Variants in HSD17B4 observed in about 807,000 individuals in gnomAD.
HSD17B4 encodes hydroxysteroid 17-beta dehydrogenase 4, also known as peroxisomal multifunctional enzyme type 2.
In HSD17B4, 70 loss-of-function variants were observed where a neutral mutation model predicts 101.0. The ratio of observed to expected loss-of-function variants is 0.69; its 90% CI spans 0.57 to 0.85. The LOEUF (loss-of-function observed/expected upper bound fraction) is 0.85. Among genes scored for constraint, HSD17B4 ranks in the 40% least tolerant of loss-of-function variants. HSD17B4 has a pLI of 0.00. For synonymous variants in HSD17B4, 347 were observed against 297.1 expected, an observed-to-expected ratio of 1.17 and a Z score of -1.73; for missense variants, 984 against 892.4, an observed-to-expected ratio of 1.10 and a Z score of -1.31.
At chr5:119,464,973 G>T (rs1255388642) in intron 2 of HSD17B4, among the ~76,000 whole-genome samples, 1 of 151,758 alleles carries the variant, frequency 6.6e-6, no homozygotes, top group Admixed American at 6.6e-5. Context: ...GCTCAGTATT[G>T]CTTTGGTTAT....
intron 22 of HSD17B4, 87 bp from the exon 23 acceptor site, chr5:119,536,336 G>C: frequency 1.7e-6 from 2 of 1,167,906 alleles, no homozygotes; most frequent in Non-Finnish European, 1.3e-6. Context: ...GGAAACTATA[G>C]AAATGTCTGC....
At chr5:119,496,902 A>AC (rs1750699244) in intron 12 of HSD17B4, among the ~76,000 whole-genome samples, 2 of 152,232 alleles carry the variant, frequency 1.3e-5, no homozygotes, top group Non-Finnish European at 2.9e-5. Context: ...GTTGAGCCAC[A>AC]TGAAGAGATG....
chr5:119,483,603 A>G (rs1309789401), intron 8 of HSD17B4, among the ~76,000 whole-genome samples: 1 of 152,130 alleles, frequency 6.6e-6, no homozygotes, highest in Non-Finnish European at 1.5e-5. Context: ...TTTTATGGTC[A>G]TAGTTTCTTT....
chr5:119,468,948 T>C (rs1314722614), intron 2 of HSD17B4, among the ~76,000 whole-genome samples: 1 of 151,968 alleles, frequency 6.6e-6, no homozygotes. Context: ...TGTTTTTTTT[T>C]TTCTTTTTCC....
chr5:119,530,853 A>AC (rs1281904574), intron 21 of HSD17B4, among the ~76,000 whole-genome samples: 1 of 145,522 alleles, frequency 6.9e-6, no homozygotes, highest in Non-Finnish European at 1.5e-5. Flanking sequence ...CTCAAAAAAA[A>AC]AAAAAAAAAA....
chr5:119,456,487 A>G (rs1381470917), intron 2 of HSD17B4, 119 bp downstream of exon 2: 16 of 781,692 alleles, frequency 2.0e-5, no homozygotes, highest in Non-Finnish European at 3.5e-5. Context: ...ATTAATTTTT[A>G]CTTTTGCCAG....
chr5:119,525,418 T>G, intron 18 of HSD17B4, 133 bp downstream of exon 18: 1 of 695,962 alleles, frequency 1.4e-6, no homozygotes, highest in Non-Finnish European at 2.6e-6. Flanking sequence ...TTTATTACAT[T>G]TATGCAAAGG....
chr5:119,519,976 G>C (rs1242697263), intron 17 of HSD17B4, among the ~76,000 whole-genome samples: 1 of 152,134 alleles, frequency 6.6e-6, no homozygotes, highest in Admixed American at 6.5e-5. Flanking sequence ...CTCCAGAAAA[G>C]ACTCCTTTGA....
At chr5:119,454,474 T>A (rs1385329476) in intron 1 of HSD17B4, among the ~76,000 whole-genome samples, 1 of 152,086 alleles carries the variant, frequency 6.6e-6, no homozygotes, top group Admixed American at 6.5e-5. Context: ...CCCAGCTAAT[T>A]TTTAAATGTT....
At chr5:119,493,992 C>A (rs761029879) in intron 11 of HSD17B4, 46 bp downstream of exon 11, 1 of 1,603,214 alleles carries the variant, frequency 6.2e-7, no homozygotes, top group South Asian at 1.1e-5. Flanking sequence ...GAATCAGAGG[C>A]AGCAAGCATT....
At chr5:119,467,594 A>T (rs1330054297) in intron 2 of HSD17B4, among the ~76,000 whole-genome samples, 1 of 152,122 alleles carries the variant, frequency 6.6e-6, no homozygotes, top group African/African-American at 2.4e-5. Flanking sequence ...ATTATATCTG[A>T]TGTAAGTGTA....
Position 119,494,308 on chromosome 5 carries a change from C to CT in HSD17B4, c.868+364dup, listed in dbSNP as rs1448738786. On this transcript the variant is annotated intron_variant, in intron 11 of 23. Coordinates refer to ENST00000510025, the MANE Select transcript of HSD17B4 (RefSeq NM_000414.4). ...CCAATCTTACCATATTTTTCTCTTT[C>CT]TTCCTTTCTTTCTTTCTTTTCTTTC... Among the ~76,000 whole-genome samples, 9 of 149,194 alleles carry CT rather than the reference C, an allele frequency of 6.0e-5. No homozygotes were observed. In the Admixed American group the frequency reaches 6.0e-4, roughly 10 times the overall value.
At chr5:119,453,567 A>G (rs748719269) in intron 1 of HSD17B4, among the ~76,000 whole-genome samples, 21 of 152,194 alleles carry the variant, frequency 1.4e-4, no homozygotes, top group Non-Finnish European at 5.9e-5. Flanking sequence ...CACTGGTAGT[A>G]CCTTATACCT....
At chr5:119,480,281 CTTG>C (rs1561446699) in intron 8 of HSD17B4, among the ~76,000 whole-genome samples, 1 of 151,858 alleles carries the variant, frequency 6.6e-6, no homozygotes. Flanking sequence ...CAGTCTGTGG[CTTG>C]TTATCGGGGT....
chr5:119,534,919 A>G (rs1034145231), intron 22 of HSD17B4, among the ~76,000 whole-genome samples: 4 of 151,950 alleles, frequency 2.6e-5, no homozygotes, highest in Non-Finnish European at 5.9e-5. Flanking sequence ...ACAATTTCTG[A>G]CTTTCCATCT....
chr5:119,499,651 A>G, intron 13 of HSD17B4, 98 bp downstream of exon 13: 3 of 582,676 alleles, frequency 5.1e-6, no homozygotes, highest in Admixed American at 6.1e-5. Context: ...GTGTGTGTAT[A>G]TATATTTATA....
intron 22 of HSD17B4, among the ~76,000 whole-genome samples, chr5:119,532,835 C>G (rs534773839): frequency 2.0e-5 from 3 of 152,134 alleles, no homozygotes; most frequent in Non-Finnish European, 4.4e-5. Context: ...ATCTGAAACT[C>G]CAGAAACCAA....
rs1207476954 is a variant in HSD17B4 at position 119,479,028 on chromosome 5, A to C, written c.622+7A>C. Reference sequence around the variant, plus strand: ...CAGACAGTTATGCCTGAAGGTAAGTAAGCAAGCTTATATTTTTCAGTGCTG... The same window carrying C: ...CAGACAGTTATGCCTGAAGGTAAGTCAGCAAGCTTATATTTTTCAGTGCTG... On this transcript the variant is annotated splice_region_variant and intron_variant, in intron 8 of 23. Transcript: ENST00000510025. 1 of 1,607,920 alleles carries C rather than the reference A, an allele frequency of 6.2e-7. No homozygotes were observed. The highest frequency in any genetic ancestry group is 8.5e-7 in the Non-Finnish European group (1 of 1,174,500).
chr5:119,534,518 A>G (rs548942685), intron 22 of HSD17B4, among the ~76,000 whole-genome samples: 2 of 152,200 alleles, frequency 1.3e-5, no homozygotes, highest in Admixed American at 6.6e-5. Context: ...TGATACCAGA[A>G]TAATTAATTC....
Sources: gnomAD v4.1 joint callset for allele counts (sites outside exome capture counted in the v4.1 genomes callset) on GRCh38, gnomAD v4.1.1 for gene constraint, MANE v1.5 for transcripts, NCBI Gene and HGNC (gene_info 2026-07-23, HGNC 2026-07-21) for gene names.